The following MATN3 variants were observed in gnomAD, a reference collection of about 807,000 sequenced individuals.
MATN3 encodes matrilin-3.
MATN3 carries 48 observed loss-of-function variants against 45.3 expected under a neutral mutation model. The ratio of observed to expected loss-of-function variants is 1.06; its 90% confidence interval spans 0.84 to 1.35. MATN3 has a LOEUF of 1.35. MATN3 is among the 40% of genes most tolerant of loss of function. The pLI, the probability that MATN3 is intolerant of heterozygous loss-of-function variation, is 0.00. For missense variants in MATN3, 599 were observed against 628.0 expected, an observed-to-expected ratio of 0.95 and a Z score of 0.49; for synonymous variants, 217 against 245.9, an observed-to-expected ratio of 0.88 and a Z score of 1.10.
At position 19,992,861 on chromosome 2, in the gene MATN3, A is replaced by G. The variant is rs553389502; in HGVS notation, c.*250T>C. 2.2e-4 allele frequency: 99 copies of G among 451,142 alleles called. No individual in the cohort carries two copies. Among genetic ancestry groups the G allele is most frequent in the African/African-American group, 1.8e-3 (88 of 48,336 alleles). The allele number at this position is 451,142 out of a possible 1,614,324, so 27.9% of individuals were successfully genotyped here. On this transcript the variant is annotated 3_prime_UTR_variant, in exon 8 of 8. Transcript: ENST00000407540. ...AAACTTTTCATTCTATTTCCTACCA[A>G]TCATTTCACAGTCATAACTTAGAGA... is the stretch of plus-strand genomic sequence containing the variant.
chr2:20,008,907 G>A (rs940163034), intron 1 of MATN3, among the ~76,000 whole-genome samples: 14 of 152,038 alleles, frequency 9.2e-5, no homozygotes, highest in Non-Finnish European at 1.9e-4. Context: ...GAAATATGCT[G>A]TATGTCATGC....
Position 20,012,330 on chromosome 2 carries a change from G to C in MATN3, c.223+79C>G, listed in dbSNP as rs1572388812. On this transcript the variant is annotated intron_variant, in intron 1 of 7. Transcript: ENST00000407540. This position sits in a 1 kb window ranked among gnomAD's most constrained non-coding sequence, Gnocchi z 4.3. Reference sequence around the variant, plus strand: ...CCCGCACCACGGTCGGCCTGAGGCCGGGATGAAGCGCGCTTGGTGGATGCC... The same window carrying C: ...CCCGCACCACGGTCGGCCTGAGGCCCGGATGAAGCGCGCTTGGTGGATGCC... 5.4e-6 allele frequency: 6 copies of C among 1,117,046 alleles called. No homozygotes were observed. The East Asian group carries it at 1.9e-4, about 36-fold the overall frequency. 69.2% of individuals were successfully genotyped at this position (1,117,046 alleles called of 1,614,324 possible). A position where few individuals can be genotyped will look rare whatever the true frequency, so the allele number is the denominator to read the frequency against.
At chr2:19,999,094 C>G (rs1362749420) in intron 5 of MATN3, 2 of 152,022 alleles carry the variant, frequency 1.3e-5, no homozygotes, top group African/African-American at 4.8e-5. Flanking sequence ...TGTTGTCTGC[C>G]TTAACTGAAA....
chr2:19,997,262 G>T lies in MATN3; in HGVS notation c.1169-3C>A. 1 of 1,600,054 alleles carries T rather than the reference G, an allele frequency of 6.2e-7. No individual in the cohort carries two copies. The highest frequency in any genetic ancestry group is 1.1e-5 in the South Asian group (1 of 88,132). On this transcript the variant is annotated splice_polypyrimidine_tract_variant and splice_region_variant and intron_variant, in intron 5 of 7. Transcript: ENST00000407540. ...GCCTAGGGCACACTTGTCACGGACT[G>T]ACCGCACGTGGTGCAGGAAAGAAAA...
chr2:20,001,688 C>T (rs1672986537), intron 4 of MATN3, among the ~76,000 whole-genome samples: 1 of 152,172 alleles, frequency 6.6e-6, no homozygotes, highest in South Asian at 2.1e-4. Context: ...TATGTGATTT[C>T]AACCTACTGA....
Position 19,992,484 on chromosome 2 carries a change from T to C in MATN3, c.*627A>G, listed in dbSNP as rs1489063817. 6.6e-6 allele frequency: 1 copy of C among 152,224 alleles called. No individual in the cohort carries two copies. The highest frequency in any genetic ancestry group is 1.9e-4 in the East Asian group (1 of 5,204). The allele number at this position is 152,224 out of a possible 1,614,324, so 9.4% of individuals were successfully genotyped here. On this transcript the variant is annotated 3_prime_UTR_variant, in exon 8 of 8. Coordinates refer to ENST00000407540, the MANE Select transcript of MATN3 (RefSeq NM_002381.5). Reference sequence around the variant, plus strand: ...ATTCACAACTAGTGCTCTTTAGTAGTACATTTCTTTCAAAGACCAGAATGA... The same window carrying C: ...ATTCACAACTAGTGCTCTTTAGTAGCACATTTCTTTCAAAGACCAGAATGA...
Position 20,012,477 on chromosome 2 carries a change from G to A in MATN3, c.155C>T (p.Pro52Leu). Residue 52 changes from proline (P) to leucine (L), a missense_variant, in exon 1 of 8, where the codon CCC becomes CTC. Physicochemically the swap from Pro to Leu is moderately conservative, Grantham distance 98 (BLOSUM62 -3). Coordinates refer to ENST00000407540, the MANE Select transcript of MATN3 (RefSeq NM_002381.5). This position sits in a 1 kb window ranked among gnomAD's most constrained non-coding sequence, Gnocchi z 4.3. Reference protein sequence around the residue: ...RGPGGSPGRRPSPAAPDGAPA... With the variant: ...RGPGGSPGRRLSPAAPDGAPA... ...CGCGCCGTCGGGAGCCGCAGGAGAGGGGCGGCGTCCAGGGCTGCCCCCGGG... is the reference window on the plus strand; with the variant it reads ...CGCGCCGTCGGGAGCCGCAGGAGAGAGGCGGCGTCCAGGGCTGCCCCCGGG... The A allele has an allele frequency of 8.1e-7, 1 of 1,229,068 alleles. No homozygotes were observed. The highest frequency in any genetic ancestry group is 1.0e-6 in the Non-Finnish European group (1 of 986,252). The allele number at this position is 1,229,068 out of a possible 1,614,324, so 76.1% of individuals were successfully genotyped here.
At chr2:20,007,249 C>T (rs550141481) in intron 1 of MATN3, among the ~76,000 whole-genome samples, 14 of 151,668 alleles carry the variant, frequency 9.2e-5, no homozygotes, top group African/African-American at 2.7e-4. Flanking sequence ...AAGAGGGGCC[C>T]GGGCGCGGTG....
chr2:19,994,564 C>T (rs368850881), intron 6 of MATN3, among the ~76,000 whole-genome samples, 155 bp from the exon 7 acceptor site: 1 of 152,114 alleles, frequency 6.6e-6, no homozygotes, highest in Non-Finnish European at 1.5e-5. Flanking sequence ...AACAAAAAGA[C>T]GAGAAAATAC....
chr2:20,010,090 A>G (rs1379768779), intron 1 of MATN3, among the ~76,000 whole-genome samples: 1 of 143,594 alleles, frequency 7.0e-6, no homozygotes, highest in Non-Finnish European at 1.5e-5. Context: ...AAAAAAAAAA[A>G]CCTCCAGAAT....
Position 20,005,901 on chromosome 2 carries a change from T to A in MATN3, c.633A>T (p.Gln211His). ...CAGCATAGAGCTCAATACCAGATGC[T>A]TGGGCCCGAGCCGCCACCTCATTCA... ...DQVNEVAARA[Q>H]ASGIELYAVG... The change falls in exon 2 of 8, where the codon CAA becomes CAT. Residue 211 changes from glutamine to histidine, a missense_variant. Transcript: ENST00000407540. The A allele has an allele frequency of 6.2e-7, 1 of 1,610,730 alleles. No homozygotes were observed. The highest frequency in any genetic ancestry group is 1.1e-5 in the South Asian group (1 of 90,440).
At chr2:19,998,259 T>C (rs1672917774) in intron 5 of MATN3, among the ~76,000 whole-genome samples, 1 of 152,142 alleles carries the variant, frequency 6.6e-6, no homozygotes. Context: ...AGCAGGGTGT[T>C]TCATTTTTTT....
Position 20,012,570 on chromosome 2 carries a change from A to C in MATN3, c.62T>G (p.Leu21Arg), listed in dbSNP as rs573907581. 8.5e-4 allele frequency: 1,048 copies of C among 1,226,678 alleles called. 6 individuals are homozygous for C. The African/African-American group carries it at 0.015, about 18-fold the overall frequency. The allele number at this position is 1,226,678 out of a possible 1,614,324, so 76.0% of individuals were successfully genotyped here. The change falls in exon 1 of 8, where the codon CTG becomes CGG. Residue 21 changes from leucine to arginine, a missense_variant. Transcript: ENST00000407540. This position sits in a 1 kb window ranked among gnomAD's most constrained non-coding sequence, Gnocchi z 4.3. Reference protein sequence around the residue: ...PGLLLLLWPLLLLPSAAPDPV... With the variant: ...PGLLLLLWPLRLLPSAAPDPV... ...GTCGGGGGCGGCGGAGGGCAGCAGC[A>C]GCAGCGGCCAGAGCAGCAGGAGGAG... is the stretch of plus-strand genomic sequence containing the variant.
chr2:20,002,093 G>C lies in MATN3; in HGVS notation c.917-13C>G, dbSNP rs1301901352. 6.2e-7 allele frequency: 1 copy of C among 1,608,826 alleles called. No individual in the cohort carries two copies. Among genetic ancestry groups the C allele is most frequent in the Non-Finnish European group, 8.5e-7 (1 of 1,177,694 alleles). ...CACCTATCAAGAGCTATCAAAAGAT[G>C]ATTGGGACAAATGTAAATGCATGCA... is the stretch of plus-strand genomic sequence containing the variant. On this transcript the variant is annotated splice_polypyrimidine_tract_variant and intron_variant, in intron 3 of 7. Coordinates refer to ENST00000407540, the MANE Select transcript of MATN3 (RefSeq NM_002381.5).
intron 5 of MATN3, 27 bp downstream of exon 5, chr2:20,000,414 T>C (rs764219016): frequency 5.7e-6 from 9 of 1,583,480 alleles, no homozygotes; most frequent in Non-Finnish European, 7.7e-6. Context: ...GACCCAAGTA[T>C]GAAAGAATTT....
intron 2 of MATN3, among the ~76,000 whole-genome samples, chr2:20,005,313 GAACA>G (rs1398694548): frequency 2.0e-5 from 3 of 152,232 alleles, no homozygotes; most frequent in African/African-American, 2.4e-5. Context: ...TTCTGCAGGA[GAACA>G]AACAGAGTTC....
At chr2:20,003,043 A>G in intron 3 of MATN3, 118 bp downstream of exon 3, 1 of 1,226,100 alleles carries the variant, frequency 8.2e-7, no homozygotes, top group Non-Finnish European at 1.1e-6. Flanking sequence ...CCAGTAAACC[A>G]GCCAAAAGGC....
rs35083474 is a variant in MATN3 at position 20,002,161 on chromosome 2, T to TACACAC, written c.917-87_917-82dup. 2.3e-3 allele frequency: 1,488 copies of TACACAC among 647,040 alleles called. 12 individuals carry two copies. In the African/African-American group the frequency reaches 0.023, roughly 10 times the overall value. 40.1% of individuals were successfully genotyped at this position (647,040 alleles called of 1,614,324 possible). A position where few individuals can be genotyped will look rare whatever the true frequency, so the allele number is the denominator to read the frequency against. ...TTGTGGGCCACGCCACTTACAGTTA[T>TACACAC]ACACACACACACACACACACACACA... On this transcript the variant is annotated intron_variant, in intron 3 of 7. Transcript: ENST00000407540.
chr2:20,006,978 G>A (rs575155677), intron 1 of MATN3, among the ~76,000 whole-genome samples: 5 of 152,344 alleles, frequency 3.3e-5, no homozygotes, highest in African/African-American at 1.2e-4. Context: ...AGCACTTTGG[G>A]AGGCCAAGGC....
Sources: allele counts gnomAD v4.1 joint callset (sites outside exome capture counted in the v4.1 genomes callset), GRCh38; gene constraint gnomAD v4.1.1; non-coding constraint Gnocchi (gnomAD v3.1); transcripts MANE v1.5; gene names NCBI Gene and HGNC (gene_info 2026-07-23, HGNC 2026-07-21).